The following DCC variants were observed in gnomAD, a reference collection of about 807,000 sequenced individuals.
DCC encodes the protein netrin receptor DCC.
In DCC, 58 loss-of-function variants were observed where a neutral mutation model predicts 172.5. The observed-to-expected ratio is 0.34, with a 90% CI of 0.27 to 0.42. DCC has a LOEUF of 0.42. Ranked by LOEUF, DCC falls within the 10% of genes least tolerant of loss-of-function variation. DCC has a pLI of 1.00. For missense variants in DCC, 1,740 were observed against 1,791.0 expected (o/e 0.97, Z 0.51); for synonymous variants, 709 against 644.5 (o/e 1.10, Z -1.52).
intron 2 of DCC, among the ~76,000 whole-genome samples, chr18:52,831,541 T>C (rs2038613589): frequency 6.6e-6 from 1 of 152,036 alleles, no homozygotes; most frequent in Admixed American, 6.6e-5. Flanking sequence ...ACATTCTGGT[T>C]ATATTCTGAG....
At chr18:53,407,582 ATG>A in intron 19 of DCC, among the ~76,000 whole-genome samples, 2 of 139,504 alleles carry the variant, frequency 1.4e-5, no homozygotes, top group Non-Finnish European at 1.5e-5. Flanking sequence ...CTCTATATAT[ATG>A]TTCAGTAACT....
chr18:52,687,528 G>A (rs766932859), intron 1 of DCC, among the ~76,000 whole-genome samples: 12 of 151,878 alleles, frequency 7.9e-5, no homozygotes, highest in East Asian at 1.9e-4. Context: ...CAGGTGATCC[G>A]CCCACCTTGG....
chr18:53,399,621 G>GACAGTGCTTGTCTAGT (rs1909176594), intron 18 of DCC, among the ~76,000 whole-genome samples: 1 of 10,276 alleles, frequency 9.7e-5, no homozygotes, highest in African/African-American at 1.0e-4. Flanking sequence ...GAAATCAGAG[G>GACAGTGCTTGTCTAGT]GGGCCGGGCG....
chr18:53,261,997 G>A (rs912531970), intron 12 of DCC, among the ~76,000 whole-genome samples: 1 of 152,138 alleles, frequency 6.6e-6, no homozygotes, highest in Non-Finnish European at 1.5e-5. Context: ...AGAAGATGGT[G>A]GATTTCCATC....
chr18:52,729,780 G>A (rs1211348501), intron 1 of DCC, among the ~76,000 whole-genome samples: 4 of 152,208 alleles, frequency 2.6e-5, no homozygotes, highest in Non-Finnish European at 4.4e-5. Flanking sequence ...GGATGTTCCT[G>A]GTTAGAATGT....
At chr18:53,076,869 G>T (rs2042731389) in intron 7 of DCC, among the ~76,000 whole-genome samples, 1 of 152,158 alleles carries the variant, frequency 6.6e-6, no homozygotes, top group African/African-American at 2.4e-5. Context: ...AGTGGTGGCA[G>T]CTTCTGGTGA....
At chr18:53,224,335 G>T (rs1018606832) in intron 12 of DCC, among the ~76,000 whole-genome samples, 72 of 152,270 alleles carry the variant, frequency 4.7e-4, no homozygotes, top group African/African-American at 1.7e-3. Flanking sequence ...AACTATCTTT[G>T]CATGACTGTG....
chr18:52,823,663 G>C (rs1260743983), intron 2 of DCC, among the ~76,000 whole-genome samples: 1 of 152,108 alleles, frequency 6.6e-6, no homozygotes, highest in Non-Finnish European at 1.5e-5. Flanking sequence ...TATAAATTGT[G>C]TTATAAGAAA....
intron 2 of DCC, among the ~76,000 whole-genome samples, chr18:52,843,447 A>T (rs555070923): frequency 6.6e-6 from 1 of 152,294 alleles, no homozygotes; most frequent in South Asian, 2.1e-4. Context: ...ACAAAGATTG[A>T]AGTTTAAAGA....
chr18:52,361,139 A>G (rs1308689589), intron 1 of DCC, among the ~76,000 whole-genome samples: 2 of 152,212 alleles, frequency 1.3e-5, no homozygotes, highest in Non-Finnish European at 2.9e-5. Flanking sequence ...ATACATTTCT[A>G]TCCTTATCTT....
chr18:53,400,667 T>C (rs979494484), intron 18 of DCC, among the ~76,000 whole-genome samples: 11 of 152,258 alleles, frequency 7.2e-5, no homozygotes, highest in African/African-American at 2.6e-4. Context: ...TTAATTCCAA[T>C]ACCAAATTTT....
Position 52,515,367 on chromosome 18 carries a change from G to A in DCC, c.91+174489G>A, listed in dbSNP as rs557375366. Among the ~76,000 whole-genome samples the A allele has an allele frequency of 2.6e-5, 4 of 151,838 alleles. No individual in the cohort carries two copies. The South Asian group carries it at 8.3e-4, about 32-fold the overall frequency. On this transcript the variant is annotated intron_variant, in intron 1 of 28. Coordinates refer to ENST00000442544, the MANE Select transcript of DCC (RefSeq NM_005215.4). ...TCACGCCTGTAATCTCAATACTGTG[G>A]GAGGCCCAGGCGGGTGGATCACAAG...
chr18:53,434,327 C>T (rs904091564), intron 21 of DCC, among the ~76,000 whole-genome samples: 1 of 152,146 alleles, frequency 6.6e-6, no homozygotes, highest in Admixed American at 6.6e-5. Flanking sequence ...CATAAGTAGT[C>T]TACCTAGATA....
chr18:53,348,777 C>T (rs1262501658), intron 15 of DCC, among the ~76,000 whole-genome samples: 1 of 152,128 alleles, frequency 6.6e-6, no homozygotes, highest in East Asian at 1.9e-4. Flanking sequence ...ACATTGGCAC[C>T]TTTCAGTCAT....
chr18:52,545,889 T>A (rs1194274722), intron 1 of DCC, among the ~76,000 whole-genome samples: 1 of 152,226 alleles, frequency 6.6e-6, no homozygotes, highest in Non-Finnish European at 1.5e-5. Flanking sequence ...AGTTTCTTAC[T>A]TCAATGGCCA....
chr18:53,270,546 C>T (rs2056737337), intron 12 of DCC, among the ~76,000 whole-genome samples: 2 of 152,046 alleles, frequency 1.3e-5, no homozygotes, highest in Admixed American at 1.3e-4. Flanking sequence ...TGTCAATTTG[C>T]TTCCTGGGAT....
intron 1 of DCC, among the ~76,000 whole-genome samples, chr18:52,613,554 C>T (rs542082447): frequency 5.4e-4 from 82 of 152,286 alleles, no homozygotes; most frequent in African/African-American, 1.9e-3. Flanking sequence ...CACACCCATC[C>T]TGTCTTGTTT....
At chr18:52,651,226 A>T (rs908250369) in intron 1 of DCC, among the ~76,000 whole-genome samples, 3 of 152,208 alleles carry the variant, frequency 2.0e-5, no homozygotes, top group Admixed American at 2.0e-4. Context: ...GCAGTGGTAC[A>T]AACATGGCTC....
chr18:53,001,023 A>G (rs550864777), intron 5 of DCC, among the ~76,000 whole-genome samples: 1 of 152,110 alleles, frequency 6.6e-6, no homozygotes, highest in South Asian at 2.1e-4. Flanking sequence ...GTTCAGTGAC[A>G]TCAAGTTGGT....
Sources: allele counts gnomAD v4.1 joint callset (sites outside exome capture counted in the v4.1 genomes callset), GRCh38; gene constraint gnomAD v4.1.1; transcripts MANE v1.5; gene names NCBI Gene and HGNC (gene_info 2026-07-23, HGNC 2026-07-21).